NRG3: variants seen among roughly 807,000 people sequenced by gnomAD.
NRG3 encodes the protein neuregulin 3, also known as pro-neuregulin-3, membrane-bound isoform.
Under a neutral mutation model 66.9 loss-of-function variants are expected in NRG3, and 31 were observed. The observed-to-expected ratio is 0.46, with a 90% confidence interval of 0.35 to 0.63. The LOEUF (loss-of-function observed/expected upper bound fraction) is 0.63. Among genes scored for constraint, NRG3 ranks in the 20% least tolerant of loss-of-function variants. NRG3 has a pLI of 0.00. For missense variants in NRG3, 910 were observed against 878.9 expected, an observed-to-expected ratio of 1.04 and a Z score of -0.45; for synonymous variants, 393 against 359.4, an observed-to-expected ratio of 1.09 and a Z score of -1.06.
chr10:82,623,731 T>C (rs1299985062), intron 2 of NRG3, among the ~76,000 whole-genome samples: 1 of 152,202 alleles, frequency 6.6e-6, no homozygotes, highest in Admixed American at 6.6e-5. Flanking sequence ...AAAATAATTA[T>C]GACATTTATT....
At chr10:82,163,176 T>C (rs1330368453) in intron 1 of NRG3, among the ~76,000 whole-genome samples, 2 of 152,152 alleles carry the variant, frequency 1.3e-5, no homozygotes, top group Non-Finnish European at 2.9e-5. Context: ...AGCTCTTTCA[T>C]ATTAATCTCT....
chr10:82,904,490 T>C (rs1313550871), intron 4 of NRG3, among the ~76,000 whole-genome samples: 1 of 152,146 alleles, frequency 6.6e-6, no homozygotes, highest in Admixed American at 6.5e-5. Flanking sequence ...GGGGAAGATA[T>C]TTCAAGCAAA....
At chr10:82,153,565 T>C (rs964568300) in intron 1 of NRG3, among the ~76,000 whole-genome samples, 12 of 152,018 alleles carry the variant, frequency 7.9e-5, no homozygotes, top group Non-Finnish European at 1.6e-4. Context: ...TTAATTCCTT[T>C]GGGCATATAC....
In NRG3 at chr10:82,601,479, A is replaced by G. The variant is rs186446676; in HGVS notation, c.954-137098A>G. On this transcript the variant is annotated intron_variant, in intron 2 of 8. Coordinates refer to ENST00000372141, the MANE Select transcript of NRG3 (RefSeq NM_001010848.4). ...GATTTTTCTTTTCAGAATTGGGAGT[A>G]CTGAATCAAATGGCATGACTATTGT... is the stretch of plus-strand genomic sequence containing the variant. 2.4e-3 allele frequency among the ~76,000 whole-genome samples: 371 copies of G among 152,330 alleles called. 2 individuals carry two copies. The highest frequency in any genetic ancestry group is 4.1e-3 in the Non-Finnish European group (278 of 68,034).
At chr10:82,422,333 A>G (rs1057265651) in intron 2 of NRG3, among the ~76,000 whole-genome samples, 2 of 152,082 alleles carry the variant, frequency 1.3e-5, no homozygotes, top group African/African-American at 4.8e-5. Flanking sequence ...AAATTTAAAC[A>G]AGATTCCAGA....
rs559116435 is a variant in NRG3 at position 82,769,364 on chromosome 10, T to C, written c.1027+30714T>C. Among the ~76,000 whole-genome samples the C allele has an allele frequency of 2.6e-5, 4 of 152,200 alleles. No homozygotes were observed. The East Asian group carries it at 7.7e-4, about 29-fold the overall frequency. ...ACTGATATCTTGAGAAAATATACCT[T>C]CAAGAGTTTAATCATTTACCTTAAA... On this transcript the variant is annotated intron_variant, in intron 3 of 8. Coordinates refer to ENST00000372141, the MANE Select transcript of NRG3 (RefSeq NM_001010848.4).
intron 2 of NRG3, among the ~76,000 whole-genome samples, chr10:82,600,764 G>C (rs1000900332): frequency 6.6e-6 from 1 of 152,032 alleles, no homozygotes; most frequent in African/African-American, 2.4e-5. Context: ...CACTGTGCCT[G>C]GCCATATCTC....
At chr10:82,043,745 G>T (rs1172000538) in intron 1 of NRG3, among the ~76,000 whole-genome samples, 2 of 151,900 alleles carry the variant, frequency 1.3e-5, no homozygotes, top group Non-Finnish European at 2.9e-5. Flanking sequence ...ACTTAACATA[G>T]TTAATAGGAT....
intron 1 of NRG3, among the ~76,000 whole-genome samples, chr10:81,900,797 G>A (rs1039801349): frequency 6.6e-6 from 1 of 152,026 alleles, no homozygotes; most frequent in Admixed American, 6.6e-5. Context: ...AAATATTCAG[G>A]GCATTTGTTA....
intron 1 of NRG3, among the ~76,000 whole-genome samples, chr10:82,023,502 G>T (rs1231252499): frequency 6.6e-6 from 1 of 151,928 alleles, no homozygotes; most frequent in African/African-American, 2.4e-5. Flanking sequence ...ATTTTTATAA[G>T]TGGTCTTTAT....
chr10:82,717,846 A>C (rs1286575880), intron 2 of NRG3, among the ~76,000 whole-genome samples: 1 of 150,172 alleles, frequency 6.7e-6, no homozygotes, highest in Non-Finnish European at 1.5e-5. Context: ...GTTCTATTGA[A>C]AAGTCTTTTT....
At chr10:82,740,687 G>A (rs2058379620) in intron 3 of NRG3, among the ~76,000 whole-genome samples, 1 of 151,510 alleles carries the variant, frequency 6.6e-6, no homozygotes, top group African/African-American at 2.4e-5. Flanking sequence ...AGCCTGGTAT[G>A]GTGGCAAGTG....
At chr10:82,815,045 C>T (rs186976147) in intron 3 of NRG3, among the ~76,000 whole-genome samples, 65 of 152,316 alleles carry the variant, frequency 4.3e-4, no homozygotes, top group Non-Finnish European at 7.1e-4. Context: ...ATGATTGTTG[C>T]TCTGAGAGTG....
intron 1 of NRG3, among the ~76,000 whole-genome samples, chr10:82,011,158 C>T (rs1017825926): frequency 2.0e-5 from 3 of 152,248 alleles, no homozygotes; most frequent in Admixed American, 6.5e-5. Flanking sequence ...AATGGACTCA[C>T]AGTTCCACAT....
intron 2 of NRG3, among the ~76,000 whole-genome samples, chr10:82,640,720 G>A (rs2133808729): frequency 6.6e-6 from 1 of 152,222 alleles, no homozygotes; most frequent in East Asian, 1.9e-4. Flanking sequence ...CAATCATTTA[G>A]ATGAGTAATT....
chr10:82,671,096 T>C (rs1221869288), intron 2 of NRG3, among the ~76,000 whole-genome samples: 1 of 152,174 alleles, frequency 6.6e-6, no homozygotes, highest in Non-Finnish European at 1.5e-5. Flanking sequence ...CACAATATGT[T>C]GCCAGTCCAT....
intron 3 of NRG3, among the ~76,000 whole-genome samples, chr10:82,858,389 C>T (rs1175902187): frequency 6.6e-6 from 1 of 151,990 alleles, no homozygotes; most frequent in East Asian, 1.9e-4. Context: ...AAAGTCTCAA[C>T]ACAGGACATC....
At chr10:82,442,210 T>C (rs2090466390) in intron 2 of NRG3, among the ~76,000 whole-genome samples, 1 of 152,198 alleles carries the variant, frequency 6.6e-6, no homozygotes, top group South Asian at 2.1e-4. Context: ...TAATAGTCAT[T>C]GATTCTGACT....
chr10:82,103,315 G>T (rs1350451360), intron 1 of NRG3, among the ~76,000 whole-genome samples: 2 of 152,010 alleles, frequency 1.3e-5, no homozygotes, highest in East Asian at 1.9e-4. Context: ...GTATAGAATT[G>T]GTAGATTCAA....
Sources: allele counts gnomAD v4.1 joint callset (sites outside exome capture counted in the v4.1 genomes callset), GRCh38; gene constraint gnomAD v4.1.1; transcripts MANE v1.5; gene names NCBI Gene and HGNC (gene_info 2026-07-23, HGNC 2026-07-21).